The following CCL23 variants were observed in gnomAD, a reference collection of about 807,000 sequenced individuals.
The protein encoded by CCL23 is C-C motif chemokine 23.
Under a neutral mutation model 11.8 loss-of-function variants are expected in CCL23, and 10 were observed. The ratio of observed to expected loss-of-function variants is 0.84; its 90% CI spans 0.52 to 1.43. The LOEUF is 1.43. Ranked by LOEUF, CCL23 falls within the 40% of genes most tolerant of loss-of-function variation. The probability of loss-of-function intolerance (pLI) is 0.00; values close to 1 mark genes in which losing one functional copy is unlikely to be tolerated. For missense variants in CCL23, 181 were observed against 170.9 expected (o/e 1.06, Z -0.33); for synonymous variants, 60 against 61.0 (o/e 0.98, Z 0.07).
At chr17:36,013,590 G>C (rs970102640) in intron 3 of CCL23, 154 bp downstream of exon 3, 1 of 698,652 alleles carries the variant, frequency 1.4e-6, no homozygotes, top group Non-Finnish European at 2.4e-6. Context: ...TCTCATCCCC[G>C]ATGCCCTGCA....
chr17:36,017,721 C>G (rs561132512), intron 1 of CCL23, 101 bp downstream of exon 1: 1 of 1,067,076 alleles, frequency 9.4e-7, no homozygotes, highest in South Asian at 1.4e-5. Context: ...ACCATGACCA[C>G]GTCTGGGATG....
In CCL23 at chr17:36,013,264, T is replaced by A; in HGVS notation, c.347A>T (p.Asp116Val). ...TCTCATGCAAACCTGAACTTGCTTA[T>A]CACTGGGGTTGGCACAGAAACGTCG... is the stretch of plus-strand genomic sequence containing the variant. ...KGRRFCANPS[D>V]KQVQVCMRML... Residue 116 changes from aspartate (D) to valine (V), a missense_variant, in exon 4 of 4, where the codon GAT (aspartate) becomes GTT (valine). Asp to Val is a radical substitution (Grantham distance 152). Transcript: ENST00000615050. 6.2e-7 allele frequency: 1 copy of A among 1,614,002 alleles called. No individual in the cohort carries two copies. Among genetic ancestry groups the A allele is most frequent in the Non-Finnish European group, 8.5e-7 (1 of 1,179,924 alleles).
chr17:36,015,934 C>T (rs564563538), intron 1 of CCL23, among the ~76,000 whole-genome samples: 1 of 151,878 alleles, frequency 6.6e-6, no homozygotes, highest in East Asian at 1.9e-4. Flanking sequence ...ATCGCAGCTA[C>T]TAGGGAGGCT....
chr17:36,016,230 A>G (rs954005106), intron 1 of CCL23, among the ~76,000 whole-genome samples: 2 of 152,104 alleles, frequency 1.3e-5, no homozygotes, highest in African/African-American at 4.8e-5. Flanking sequence ...TTACATAGGT[A>G]TACATGTGCC....
chr17:36,013,562 CT>C, intron 3 of CCL23, 181 bp downstream of exon 3: 4 of 643,518 alleles, frequency 6.2e-6, no homozygotes, highest in Non-Finnish European at 8.1e-6. Context: ...CTTCCCCACC[CT>C]TTTCCCCCTG....
intron 1 of CCL23, among the ~76,000 whole-genome samples, chr17:36,016,260 A>G (rs184257194): frequency 1.3e-5 from 2 of 152,146 alleles, no homozygotes; most frequent in African/African-American, 4.8e-5. Context: ...TGCTGTACCT[A>G]TCAACCCATC....
At position 36,013,790 on chromosome 17, in the gene CCL23, C is replaced by T; in HGVS notation, c.256G>A (p.Glu86Lys). The T allele has an allele frequency of 6.2e-7, 1 of 1,614,156 alleles. No individual in the cohort carries two copies. Residue 86 changes from glutamate to lysine, a missense_variant, in exon 3 of 4, where the codon GAG becomes AAG. By Grantham distance (56) the Glu-to-Lys change is moderately conservative (BLOSUM62 1). Transcript: ENST00000615050. ...TCGCTGTTCGTTTCAAAGTAACTCT[C>T]CAGGAGTGAACACGGGATGCTTCGT... Reference protein sequence around the residue: ...TPRSIPCSLLESYFETNSECS... With the variant: ...TPRSIPCSLLKSYFETNSECS...
chr17:36,016,920 C>T (rs78088268), intron 1 of CCL23, among the ~76,000 whole-genome samples: 1 of 151,672 alleles, frequency 6.6e-6, no homozygotes, highest in Non-Finnish European at 1.5e-5. Flanking sequence ...GAATTAGTCC[C>T]CCAATTGCTT....
chr17:36,013,098 G>A lies in CCL23; in HGVS notation c.*99C>T. On this transcript the variant is annotated 3_prime_UTR_variant, in exon 4 of 4. Coordinates refer to ENST00000615050, the MANE Select transcript of CCL23 (RefSeq NM_005064.6). ...TATTAGATGAATTGCTCTAAATCCAGAACACAAGAATAAATGCTTCTTAAA... is the reference window on the plus strand; with the variant it reads ...TATTAGATGAATTGCTCTAAATCCAAAACACAAGAATAAATGCTTCTTAAA... 1 of 736,720 alleles carries A rather than the reference G, an allele frequency of 1.4e-6. No homozygotes were observed. Among genetic ancestry groups the A allele is most frequent in the Non-Finnish European group, 2.4e-6 (1 of 411,238 alleles). The allele number at this position is 736,720 out of a possible 1,614,324, so 45.6% of individuals were successfully genotyped here.
At chr17:36,014,973 T>TATAA (rs551312460) in intron 1 of CCL23, among the ~76,000 whole-genome samples, 5 of 148,476 alleles carry the variant, frequency 3.4e-5, no homozygotes, top group African/African-American at 1.3e-4. Flanking sequence ...TATATATATA[T>TATAA]AACGTAAAAT....
At chr17:36,017,730 TG>T in intron 1 of CCL23, 91 bp downstream of exon 1, 1 of 1,133,764 alleles carries the variant, frequency 8.8e-7, no homozygotes, top group Non-Finnish European at 1.3e-6. Context: ...ACGTCTGGGA[TG>T]GAGAGTAGTT....
rs369023759 is a variant in CCL23 at position 36,017,904 on chromosome 17, G to A, written c.-7C>T. 1 of 1,613,358 alleles carries A rather than the reference G, an allele frequency of 6.2e-7. No homozygotes were observed. The highest frequency in any genetic ancestry group is 1.3e-5 in the African/African-American group (1 of 74,894). On this transcript the variant is annotated 5_prime_UTR_variant, in exon 1 of 4. Transcript: ENST00000615050. Reference sequence around the variant, plus strand: ...CAGCCACGGAGACCTTCATCCTCCTGGTGGGCAGGCAGGGCTGGCCGAGGA... The same window carrying A: ...CAGCCACGGAGACCTTCATCCTCCTAGTGGGCAGGCAGGGCTGGCCGAGGA...
chr17:36,013,561 C>A (rs1258936134), intron 3 of CCL23, 183 bp downstream of exon 3: 6 of 640,888 alleles, frequency 9.4e-6, no homozygotes, highest in East Asian at 2.7e-5. Context: ...CCTTCCCCAC[C>A]CTTTTCCCCC....
chr17:36,017,965 C>G lies in CCL23; in HGVS notation c.-68G>C, dbSNP rs2090110618. The G allele has an allele frequency of 6.5e-7, 1 of 1,542,450 alleles. No homozygotes were observed. Among genetic ancestry groups the G allele is most frequent in the Non-Finnish European group, 8.9e-7 (1 of 1,128,208 alleles). On this transcript the variant is annotated 5_prime_UTR_variant, in exon 1 of 4. Coordinates refer to ENST00000615050, the MANE Select transcript of CCL23 (RefSeq NM_005064.6). ...CACTGCTTCCTGGCTTCTCGGGATG[C>G]CAGTTCTGCCCTTGTATTTATAAGA...
intron 1 of CCL23, among the ~76,000 whole-genome samples, chr17:36,015,380 CTTTG>C (rs759753173): frequency 6.6e-6 from 1 of 152,164 alleles, no homozygotes; most frequent in Non-Finnish European, 1.5e-5. Context: ...ATGAACCACA[CTTTG>C]TTTATCTACT....
At chr17:36,017,682 C>G (rs976985659) in intron 1 of CCL23, 140 bp downstream of exon 1, 4 of 773,948 alleles carry the variant, frequency 5.2e-6, no homozygotes, top group Non-Finnish European at 8.7e-6. Flanking sequence ...AGAACCAGGT[C>G]TATACTCTGG....
chr17:36,014,398 A>G lies in CCL23; in HGVS notation c.77-5T>C, dbSNP rs1175904874. ...TCATGAACTCTGTCTCTGCATCTGG[A>G]AGAAGCAGACAGGACAGGGAAGGAA... On this transcript the variant is annotated splice_region_variant and splice_polypyrimidine_tract_variant and intron_variant, in intron 1 of 3. Coordinates refer to ENST00000615050, the MANE Select transcript of CCL23 (RefSeq NM_005064.6). The G allele has an allele frequency of 1.9e-6, 3 of 1,610,184 alleles. No homozygotes were observed. Among genetic ancestry groups the G allele is most frequent in the Non-Finnish European group, 2.6e-6 (3 of 1,176,340 alleles).
intron 1 of CCL23, among the ~76,000 whole-genome samples, chr17:36,015,041 C>T (rs2090087876): frequency 6.6e-6 from 1 of 152,038 alleles, no homozygotes; most frequent in Admixed American, 6.5e-5. Context: ...ACTCAAATAA[C>T]TATGCAGTTT....
At chr17:36,013,364 CAGGG>C in intron 3 of CCL23, 56 bp from the exon 4 acceptor site, 1 of 1,153,198 alleles carries the variant, frequency 8.7e-7, no homozygotes, top group Non-Finnish European at 1.3e-6. Context: ...CACATGGGGA[CAGGG>C]GGCCCCATTC....
Sources: gnomAD v4.1 joint callset for allele counts (sites outside exome capture counted in the v4.1 genomes callset) on GRCh38, gnomAD v4.1.1 for gene constraint, MANE v1.5 for transcripts, NCBI Gene and HGNC (gene_info 2026-07-23, HGNC 2026-07-21) for gene names.